NOL4L: variants seen among roughly 807,000 people sequenced by gnomAD.
NOL4L encodes nucleolar protein 4-like.
In NOL4L, 7 loss-of-function variants were observed where a neutral mutation model predicts 64.5. That is an observed-to-expected ratio of 0.11 (90% CI 0.06 to 0.20). The LOEUF (loss-of-function observed/expected upper bound fraction) is 0.20. NOL4L is among the 10% of genes least tolerant of loss of function. The probability of loss-of-function intolerance (pLI) is 1.00; values close to 1 mark genes in which losing one functional copy is unlikely to be tolerated. For synonymous variants in NOL4L, 413 were observed against 401.0 expected (o/e 1.03, Z -0.36); for missense variants, 680 against 967.1 (o/e 0.70, Z 3.94).
intron 5 of NOL4L, among the ~76,000 whole-genome samples, chr20:32,457,775 C>T (rs1239045623): frequency 6.6e-6 from 1 of 152,218 alleles, no homozygotes; most frequent in African/African-American, 2.4e-5. Context: ...AGGGCAGCTC[C>T]GGGCTCTGCT....
chr20:32,532,426 C>A, intron 1 of NOL4L: 1 of 972,930 alleles, frequency 1.0e-6, no homozygotes, highest in Non-Finnish European at 1.2e-6. Context: ...CCTGAGAAGA[C>A]AGCAACAAAG....
At chr20:32,584,133 G>GCACGCGCACACACACACACA (rs1980723690) in intron 1 of NOL4L, among the ~76,000 whole-genome samples, 1 of 88,800 alleles carries the variant, frequency 1.1e-5, no homozygotes, top group African/African-American at 5.2e-5. Flanking sequence ...CTCCGCGCGC[G>GCACGCGCACACACACACACA]CACACACACA....
At chr20:32,512,520 A>G (rs2017454442) in intron 3 of NOL4L, among the ~76,000 whole-genome samples, 1 of 152,200 alleles carries the variant, frequency 6.6e-6, no homozygotes, top group Non-Finnish European at 1.5e-5. Context: ...AAAGTGATGC[A>G]TGTTCTTTTT....
chr20:32,448,692 G>T (rs376791848), intron 10 of NOL4L, among the ~76,000 whole-genome samples: 2 of 152,192 alleles, frequency 1.3e-5, no homozygotes, highest in African/African-American at 4.8e-5. Flanking sequence ...GAAACTGCCC[G>T]CCCTTTGTCC....
At chr20:32,562,100 C>T (rs917981629) in intron 1 of NOL4L, among the ~76,000 whole-genome samples, 14 of 152,314 alleles carry the variant, frequency 9.2e-5, no homozygotes, top group African/African-American at 2.9e-4. Flanking sequence ...CCAGGCATGC[C>T]GTCAGGACTA....
In NOL4L at chr20:32,452,840, G is replaced by C. The variant is rs1297665788; in HGVS notation, c.1620+44C>G. The C allele has an allele frequency of 2.5e-6, 4 of 1,609,118 alleles. No homozygotes were observed. The African/African-American group carries it at 5.3e-5, about 21-fold the overall frequency. On this transcript the variant is annotated intron_variant, in intron 9 of 10. Transcript: ENST00000621426. ...CACCCATATAAGGCCTGCCCTCCCT[G>C]GCTGCCCAGGAGCGGCCCCTGTAGT...
chr20:32,507,739 G>A (rs1281074551), intron 4 of NOL4L, among the ~76,000 whole-genome samples: 6 of 152,230 alleles, frequency 3.9e-5, no homozygotes, highest in Non-Finnish European at 7.3e-5. Flanking sequence ...GCCGGGCACA[G>A]TGGCTCATGC....
At chr20:32,534,785 G>A (rs554267379) in intron 1 of NOL4L, among the ~76,000 whole-genome samples, 2 of 151,934 alleles carry the variant, frequency 1.3e-5, no homozygotes, top group African/African-American at 4.8e-5. Flanking sequence ...GGAAGCTGAG[G>A]TGGGAGGATC....
At chr20:32,518,029 G>C (rs993177260) in intron 3 of NOL4L, among the ~76,000 whole-genome samples, 1 of 152,148 alleles carries the variant, frequency 6.6e-6, no homozygotes, top group Non-Finnish European at 1.5e-5. Context: ...GCTCAGAGAG[G>C]TTCCCTGTCC....
chr20:32,475,606 C>G (rs1281934957), intron 4 of NOL4L, among the ~76,000 whole-genome samples: 1 of 152,248 alleles, frequency 6.6e-6, no homozygotes, highest in Non-Finnish European at 1.5e-5. Flanking sequence ...CAGGCCCAGC[C>G]TTTCAGGAGC....
rs2016306613 is a variant in NOL4L, at chr20:32,488,845, TTCTTTCTTTCTTTC to T, written c.700-14117_700-14104del. Among the ~76,000 whole-genome samples, 3 of 90,610 alleles carry T rather than the reference TTCTTTCTTTCTTTC, an allele frequency of 3.3e-5. 1 individual carries two copies. Among genetic ancestry groups the T allele is most frequent in the Admixed American group, 1.1e-4 (1 of 8,872 alleles). The allele number at this position is 90,610 out of a possible 152,430, so 59.4% of individuals were successfully genotyped here. ...TCTTTCTTTTTCTTTCTTTCTTTCT[TTCTTTCTTTCTTTC>T]TTTCTTTCTTTCTTTCTTTCTTTCT... On this transcript the variant is annotated intron_variant, in intron 4 of 10. Transcript: ENST00000621426.
intron 5 of NOL4L, among the ~76,000 whole-genome samples, chr20:32,472,500 A>G (rs1434465133): frequency 6.6e-6 from 1 of 152,154 alleles, no homozygotes. Flanking sequence ...GGGGCCTGAG[A>G]GTGCTCTGAT....
intron 4 of NOL4L, among the ~76,000 whole-genome samples, chr20:32,501,837 T>C (rs1413527363): frequency 6.6e-6 from 1 of 151,962 alleles, no homozygotes; most frequent in African/African-American, 2.4e-5. Context: ...GCATAGGCAA[T>C]ATCAAAAGAG....
chr20:32,570,077 T>C (rs191772064), intron 1 of NOL4L, among the ~76,000 whole-genome samples: 302 of 152,218 alleles, frequency 2.0e-3, no homozygotes, highest in African/African-American at 7.0e-3. Flanking sequence ...AACAGCAGGT[T>C]CTATTGCTAG....
chr20:32,453,842 G>A lies in NOL4L; in HGVS notation c.1120-81C>T. The A allele has an allele frequency of 7.2e-7, 1 of 1,383,458 alleles. No homozygotes were observed. The highest frequency in any genetic ancestry group is 9.9e-7 in the Non-Finnish European group (1 of 1,009,862). 85.7% of individuals were successfully genotyped at this position (1,383,458 alleles called of 1,614,324 possible). A position where few individuals can be genotyped will look rare whatever the true frequency, so the allele number is the denominator to read the frequency against. On this transcript the variant is annotated intron_variant, in intron 6 of 10. Coordinates refer to ENST00000621426, the MANE Select transcript of NOL4L (RefSeq NM_001256798.2). This position sits in a 1 kb window ranked among gnomAD's most constrained non-coding sequence, Gnocchi z 5.6. ...TGGGTCTCCTACAGGCGGTGAGCTT[G>A]GGGACCAGGGTGGCACGCATGCCCT...
At chr20:32,490,322 A>C (rs559533955) in intron 4 of NOL4L, among the ~76,000 whole-genome samples, 53 of 152,216 alleles carry the variant, frequency 3.5e-4, no homozygotes, top group African/African-American at 1.1e-3. Flanking sequence ...TTATGGAGAA[A>C]GGAGAGATGT....
At chr20:32,509,517 C>CAAAAA (rs71338441) in intron 4 of NOL4L, among the ~76,000 whole-genome samples, 159 of 61,498 alleles carry the variant, frequency 2.6e-3, no homozygotes, top group Middle Eastern at 9.3e-3. Context: ...GACTCTGCCT[C>CAAAAA]AAAAAAAAAA....
chr20:32,475,221 C>A lies in NOL4L; in HGVS notation c.700-479G>T, dbSNP rs2015312879. The A allele has an allele frequency of 1.7e-5, 17 of 985,344 alleles. No individual in the cohort carries two copies. In the South Asian group the frequency reaches 7.0e-4, roughly 41 times the overall value. The allele number at this position is 985,344 out of a possible 1,614,324, so 61.0% of individuals were successfully genotyped here. A position where few individuals can be genotyped will look rare whatever the true frequency, so the allele number is the denominator to read the frequency against. ...GCCTGGCGCCCTGACTCCCATGAAGCATGCATGGAATTCCTTTCTCCCACT... is the reference window on the plus strand; with the variant it reads ...GCCTGGCGCCCTGACTCCCATGAAGAATGCATGGAATTCCTTTCTCCCACT... On this transcript the variant is annotated intron_variant, in intron 4 of 10. Coordinates refer to ENST00000621426, the MANE Select transcript of NOL4L (RefSeq NM_001256798.2).
intron 3 of NOL4L, among the ~76,000 whole-genome samples, chr20:32,514,065 G>T (rs539997606): frequency 6.6e-6 from 1 of 152,324 alleles, no homozygotes; most frequent in South Asian, 2.1e-4. Flanking sequence ...CCTCTTTGAC[G>T]CTGTGTACTT....
Sources: allele counts gnomAD v4.1 joint callset (sites outside exome capture counted in the v4.1 genomes callset), GRCh38; gene constraint gnomAD v4.1.1; non-coding constraint Gnocchi (gnomAD v3.1); transcripts MANE v1.5; gene names NCBI Gene and HGNC (gene_info 2026-07-23, HGNC 2026-07-21).